The following PIGA variants were observed in gnomAD, a reference collection of about 807,000 sequenced individuals.
PIGA encodes the protein phosphatidylinositol glycan anchor biosynthesis class A, also known as phosphatidylinositol N-acetylglucosaminyltransferase subunit A.
Under a neutral mutation model 17.1 loss-of-function variants are expected in PIGA, and 3 were observed. That is an observed-to-expected ratio of 0.18 (90% confidence interval 0.08 to 0.45). The LOEUF (loss-of-function observed/expected upper bound fraction) is 0.45, where lower values mean the gene tolerates loss of function less well. Ranked by LOEUF, PIGA falls within the 20% of genes least tolerant of loss-of-function variation. The pLI is 0.99. For missense variants in PIGA, 231 were observed against 374.1 expected, an observed-to-expected ratio of 0.62 and a Z score of 3.16; for synonymous variants, 126 against 135.1, an observed-to-expected ratio of 0.93 and a Z score of 0.47.
chrX:15,322,879 A>T (rs771172779), intron 5 of PIGA, among the ~76,000 whole-genome samples: 29 of 112,224 alleles, frequency 2.6e-4, no homozygotes, highest in African/African-American at 9.1e-4. Context: ...AAGAAGGAGG[A>T]GTTGAAATGA....
chrX:15,334,018 C>G lies in PIGA; in HGVS notation c.-63+1483G>C, dbSNP rs749581242. Among the ~76,000 whole-genome samples, 14 of 111,047 alleles carry G rather than the reference C, an allele frequency of 1.3e-4. No individual in the cohort carries two copies. The East Asian group carries it at 3.7e-3, about 29-fold the overall frequency. On this transcript the variant is annotated intron_variant, in intron 1 of 5. Transcript: ENST00000333590. ...ATCTTGGATATCTAGTCAAAATCTT[C>G]CTCAGCTTTACAAATGAGATTTCCA... is the stretch of plus-strand genomic sequence containing the variant.
chrX:15,321,268 C>A lies in PIGA; in HGVS notation c.*238G>T, dbSNP rs1921800926. On this transcript the variant is annotated 3_prime_UTR_variant, in exon 6 of 6. Coordinates refer to ENST00000333590, the MANE Select transcript of PIGA (RefSeq NM_002641.4). ...GGGATTTCAGTAGTCTGAAAAATTG[C>A]ATACCTGAGTGGCTTAAATGTTCTC... 9.8e-6 allele frequency: 3 copies of A among 306,163 alleles called. No individual in the cohort carries two copies. Among genetic ancestry groups the A allele is most frequent in the African/African-American group, 8.0e-5 (3 of 37,525 alleles). 25.2% of individuals were successfully genotyped at this position (306,163 alleles called of 1,213,427 possible). A position where few individuals can be genotyped will look rare whatever the true frequency, so the allele number is the denominator to read the frequency against.
At position 15,328,073 on chromosome X, in the gene PIGA, T is replaced by A. The variant is rs369768957; in HGVS notation, c.716-2027A>T. 8 of 109,286 alleles carry A rather than the reference T, an allele frequency of 7.3e-5. No individual in the cohort carries two copies. The East Asian group carries it at 2.3e-3, about 32-fold the overall frequency. 9.0% of individuals were successfully genotyped at this position (109,286 alleles called of 1,213,427 possible). A position where few individuals can be genotyped will look rare whatever the true frequency, so the allele number is the denominator to read the frequency against. On this transcript the variant is annotated intron_variant, in intron 2 of 5. Coordinates refer to ENST00000333590, the MANE Select transcript of PIGA (RefSeq NM_002641.4). ...GATCCAAACTGCTTTTAAAGCTCAGTCTAACAATATTTTTAAGAACCTTCT... is the reference window on the plus strand; with the variant it reads ...GATCCAAACTGCTTTTAAAGCTCAGACTAACAATATTTTTAAGAACCTTCT...
chrX:15,325,050 C>T lies in PIGA; in HGVS notation c.951G>A (p.Ala317=), dbSNP rs1602208423. Residue 317 remains alanine (A), a synonymous_variant, in exon 4 of 6, where the codon GCG becomes GCA. Transcript: ENST00000333590. ...NTSLTEAFCM[A]IVEAASCGLQ... is the part of the protein sequence containing the mutation. ...AACCACAACTGGCTGCTTCCACGATCGCCATGCAGAATGCTTCAGTAAGGG... is the reference window on the plus strand; with the variant it reads ...AACCACAACTGGCTGCTTCCACGATTGCCATGCAGAATGCTTCAGTAAGGG... 4.1e-6 allele frequency: 5 copies of T among 1,204,920 alleles called. No individual in the cohort carries two copies. In the East Asian group the frequency reaches 8.9e-5, roughly 21 times the overall value.
chrX:15,335,537 G>C, upstream of PIGA: 2 of 966,172 alleles, frequency 2.1e-6, no homozygotes, highest in South Asian at 4.1e-5. Context: ...CGGACCTCCC[G>C]CGGCTGCAGC....
intron 1 of PIGA, among the ~76,000 whole-genome samples, chrX:15,333,574 G>A (rs772788254): frequency 2.7e-5 from 3 of 111,890 alleles, no homozygotes; most frequent in African/African-American, 9.7e-5. Flanking sequence ...CTAGCTACTC[G>A]GGAGGCTGAG....
chrX:15,331,255 T>C lies in PIGA; in HGVS notation c.676A>G (p.Ile226Val), dbSNP rs1922146269. Reference sequence around the variant, plus strand: ...AGTCTGCTGACAACAACAATAGTTATACTATCATGCCTTCTAAATGGGTCT... The same window carrying C: ...AGTCTGCTGACAACAACAATAGTTACACTATCATGCCTTCTAAATGGGTCT... ...TPDPFRRHDSITIVVVSRLVY... is the reference protein window; with the variant it reads ...TPDPFRRHDSVTIVVVSRLVY... Residue 226 changes from isoleucine (I) to valine (V), a missense_variant, in exon 2 of 6, where the codon ATA becomes GTA. Ile to Val is a conservative substitution (Grantham distance 29). This residue lies in a region of PIGA where 83 missense variants were observed against 190.1 expected (regional missense o/e 0.44). Coordinates refer to ENST00000333590, the MANE Select transcript of PIGA (RefSeq NM_002641.4). 1 of 1,204,529 alleles carries C rather than the reference T, an allele frequency of 8.3e-7. No homozygotes were observed. Among genetic ancestry groups the C allele is most frequent in the South Asian group, 1.8e-5 (1 of 56,649 alleles).
At chrX:15,325,887 T>C (rs1401423253) in intron 3 of PIGA, 27 bp downstream of exon 3, 1 of 1,176,136 alleles carries the variant, frequency 8.5e-7, no homozygotes, top group East Asian at 3.0e-5. Flanking sequence ...ATCTTCTCCC[T>C]CAAGACAACA....
chrX:15,327,547 G>A (rs748741841), intron 2 of PIGA: 10 of 111,396 alleles, frequency 9.0e-5, no homozygotes, highest in Non-Finnish European at 1.5e-4. Flanking sequence ...AAATTCCCAC[G>A]CAGCTTTTCT....
Position 15,331,883 on chromosome X carries a change from T to C in PIGA, c.48A>G (p.Thr16=), listed in dbSNP as rs772936689. 27 of 1,207,084 alleles carry C rather than the reference T, an allele frequency of 2.2e-5. No homozygotes were observed. The highest frequency in any genetic ancestry group is 2.9e-5 in the Non-Finnish European group (26 of 893,405). ...GAGNGHRASA[T]LSRVSPGSLY... is the part of the protein sequence containing the mutation. ...GACTTCCAGGGCTAACCCGAGAGAGTGTAGCTGAGGCACGGTGGCCATTCC... is the reference window on the plus strand; with the variant it reads ...GACTTCCAGGGCTAACCCGAGAGAGCGTAGCTGAGGCACGGTGGCCATTCC... Residue 16 remains threonine (T), a synonymous_variant, in exon 2 of 6, where the codon ACA becomes ACG. Coordinates refer to ENST00000333590, the MANE Select transcript of PIGA (RefSeq NM_002641.4).
Position 15,325,450 on chromosome X carries a change from A to G in PIGA, c.849-298T>C, listed in dbSNP as rs192637577. 2.9e-3 allele frequency among the ~76,000 whole-genome samples: 330 copies of G among 112,686 alleles called. 1 individual carries two copies. The highest frequency in any genetic ancestry group is 9.2e-3 in the Middle Eastern group (2 of 218). ...TAATAAACTTTGATAATTTAATGTT[A>G]AAGTGCCATTTGTAAACAGGAAAAT... On this transcript the variant is annotated intron_variant, in intron 3 of 5. Coordinates refer to ENST00000333590, the MANE Select transcript of PIGA (RefSeq NM_002641.4).
intron 1 of PIGA, chrX:15,335,229 A>G (rs1402263996): frequency 3.4e-6 from 1 of 290,392 alleles, no homozygotes; most frequent in African/African-American, 2.7e-5. Context: ...AGAGAGAAAG[A>G]AAACAACCAA....
intron 1 of PIGA, 82 bp downstream of exon 1, chrX:15,335,419 C>A: frequency 2.2e-6 from 2 of 908,364 alleles, no homozygotes; most frequent in Non-Finnish European, 2.8e-6. Flanking sequence ...CTCCACCACC[C>A]GCCACGATCC....
intron 1 of PIGA, among the ~76,000 whole-genome samples, chrX:15,334,619 A>G (rs958698130): frequency 8.9e-6 from 1 of 111,747 alleles, no homozygotes; most frequent in Admixed American, 9.5e-5. Flanking sequence ...CTTAACTAAC[A>G]TTTTCTTACT....
At chrX:15,321,897 T>C in intron 5 of PIGA, 125 bp from the exon 6 acceptor site, 2 of 593,928 alleles carry the variant, frequency 3.4e-6, no homozygotes, top group Non-Finnish European at 5.4e-6. Flanking sequence ...TTGCTTGTGT[T>C]TTGTTGTTGT....
chrX:15,324,545 G>C lies in PIGA; in HGVS notation c.1188+120C>G, dbSNP rs530212232. On this transcript the variant is annotated intron_variant, in intron 5 of 5. Transcript: ENST00000333590. ...AATCTGTTTCTTTTCACCTGGAAGA[G>C]ATTTCATCAACTTAAGCAATAGAAC... 416 of 542,826 alleles carry C rather than the reference G, an allele frequency of 7.7e-4. 2 individuals are homozygous for C. The South Asian group carries it at 0.012, about 16-fold the overall frequency. 44.7% of individuals were successfully genotyped at this position (542,826 alleles called of 1,213,427 possible).
At chrX:15,330,954 T>A in intron 2 of PIGA, 1 of 263,744 alleles carries the variant, frequency 3.8e-6, no homozygotes, top group Admixed American at 6.0e-5. Flanking sequence ...TTTAAAAAGA[T>A]CTGAAATTTA....
chrX:15,325,456 C>T (rs1339818649), intron 3 of PIGA, among the ~76,000 whole-genome samples: 2 of 112,227 alleles, frequency 1.8e-5, no homozygotes, highest in African/African-American at 6.5e-5. Flanking sequence ...TGTTAAAGTG[C>T]CATTTGTAAA....
Position 15,331,888 on chromosome X carries a change from C to G in PIGA, c.43G>C (p.Ala15Pro), listed in dbSNP as rs369608621. 1 of 1,208,986 alleles carries G rather than the reference C, an allele frequency of 8.3e-7. No homozygotes were observed. The highest frequency in any genetic ancestry group is 3.0e-5 in the East Asian group (1 of 33,822). Residue 15 changes from alanine (A) to proline (P), a missense_variant, in exon 2 of 6, where the codon GCT becomes CCT. Coordinates refer to ENST00000333590, the MANE Select transcript of PIGA (RefSeq NM_002641.4). The stretch of plus-strand genomic sequence containing the variant: ...CCAGGGCTAACCCGAGAGAGTGTAG[C>G]TGAGGCACGGTGGCCATTCCCAGCT... ...GGAGNGHRAS[A>P]TLSRVSPGSL...
Sources: gnomAD v4.1 joint callset for allele counts (sites outside exome capture counted in the v4.1 genomes callset) on GRCh38, gnomAD v4.1.1 for gene constraint, gnomAD v4.1.1 regional missense constraint, MANE v1.5 for transcripts, NCBI Gene and HGNC (gene_info 2026-07-23, HGNC 2026-07-21) for gene names.